The following COL5A1 variants were observed in gnomAD, a reference collection of about 807,000 sequenced individuals.
The protein encoded by COL5A1 is collagen type V alpha 1 chain, also known as collagen alpha-1(V) chain.
In COL5A1, 16 loss-of-function variants were observed where a neutral mutation model predicts 263.7. The ratio of observed to expected loss-of-function variants is 0.06; its 90% CI spans 0.04 to 0.09. COL5A1 has a LOEUF of 0.09. Among genes scored for constraint, COL5A1 ranks in the 10% least tolerant of loss-of-function variants. The pLI is 1.00. For synonymous variants in COL5A1, 1,012 were observed against 1,004.5 expected, an observed-to-expected ratio of 1.01 and a Z score of -0.14; for missense variants, 2,036 against 2,540.5, an observed-to-expected ratio of 0.80 and a Z score of 4.27.
intron 26 of COL5A1, among the ~76,000 whole-genome samples, chr9:134,774,541 G>A (rs536606521): frequency 8.5e-5 from 13 of 152,336 alleles, no homozygotes; most frequent in Middle Eastern, 3.4e-3. Flanking sequence ...AACACTCCTT[G>A]CAGAGCTCCA....
intron 1 of COL5A1, among the ~76,000 whole-genome samples, chr9:134,689,674 C>T (rs78810011): frequency 6.6e-6 from 1 of 152,164 alleles, no homozygotes; most frequent in Admixed American, 6.5e-5. Context: ...ACGGAGCTTC[C>T]TTATCCTGGC....
At chr9:134,769,573 A>G (rs1836800796) in intron 25 of COL5A1, among the ~76,000 whole-genome samples, 1 of 152,244 alleles carries the variant, frequency 6.6e-6, no homozygotes, top group South Asian at 2.1e-4. Flanking sequence ...AGCCATTGAC[A>G]GCGGGTGGAC....
At chr9:134,658,226 C>G (rs1832084730) in intron 1 of COL5A1, among the ~76,000 whole-genome samples, 2 of 152,134 alleles carry the variant, frequency 1.3e-5, no homozygotes, top group African/African-American at 4.8e-5. Flanking sequence ...GCTCGCCCCT[C>G]TGTGAGCAGG....
At chr9:134,727,855 G>A (rs1834718370) in intron 5 of COL5A1, among the ~76,000 whole-genome samples, 1 of 152,152 alleles carries the variant, frequency 6.6e-6, no homozygotes, top group Non-Finnish European at 1.5e-5. Context: ...AGCCGTGCCT[G>A]ACACCTTTGT....
At chr9:134,651,905 C>G (rs1831701000) in intron 1 of COL5A1, among the ~76,000 whole-genome samples, 1 of 152,168 alleles carries the variant, frequency 6.6e-6, no homozygotes, top group East Asian at 1.9e-4. Flanking sequence ...AAATCCTCTT[C>G]CTGTGCTATT....
chr9:134,801,829 C>G (rs140890349), intron 37 of COL5A1, 125 bp from the exon 38 acceptor site: 103 of 867,868 alleles, frequency 1.2e-4, no homozygotes, highest in Middle Eastern at 6.9e-4. Context: ...GCCTCTTACA[C>G]AAAGTCTGGA....
chr9:134,844,555 T>C lies in COL5A1; in HGVS notation c.*2252T>C, dbSNP rs529530286. 1.3e-5 allele frequency: 2 copies of C among 152,362 alleles called. No homozygotes were observed. Among genetic ancestry groups the C allele is most frequent in the South Asian group, 4.1e-4 (2 of 4,824 alleles). 9.4% of individuals were successfully genotyped at this position (152,362 alleles called of 1,614,324 possible). On this transcript the variant is annotated 3_prime_UTR_variant, in exon 66 of 66. Coordinates refer to ENST00000371817, the MANE Select transcript of COL5A1 (RefSeq NM_000093.5). ...CTTCTTATATTTGCAGAAATTCTTTTGGTGTAATTTTATTTTTTCCTCTCA... is the reference window on the plus strand; with the variant it reads ...CTTCTTATATTTGCAGAAATTCTTTCGGTGTAATTTTATTTTTTCCTCTCA...
At chr9:134,732,719 G>A (rs150358477) in intron 9 of COL5A1, 2,147 of 173,302 alleles carry the variant, frequency 0.012, 20 homozygotes, top group South Asian at 0.022. Flanking sequence ...TCACGGGTGA[G>A]TTCAAAAAGT....
intron 11 of COL5A1, among the ~76,000 whole-genome samples, chr9:134,747,234 T>C (rs933311381): frequency 2.0e-5 from 3 of 152,196 alleles, no homozygotes; most frequent in African/African-American, 7.2e-5. Flanking sequence ...GTTCCGGGTG[T>C]CGGTGAGAAG....
At chr9:134,663,131 C>T (rs773175276) in intron 1 of COL5A1, among the ~76,000 whole-genome samples, 2 of 152,232 alleles carry the variant, frequency 1.3e-5, no homozygotes, top group South Asian at 4.1e-4. Flanking sequence ...CTGTTCTCTG[C>T]ACGTTGCTGT....
Position 134,742,584 on chromosome 9 carries a change from G to A in COL5A1, c.1494+3776G>A, listed in dbSNP as rs1355946650. Among the ~76,000 whole-genome samples, 1 of 152,164 alleles carries A rather than the reference G, an allele frequency of 6.6e-6. No homozygotes were observed. Among genetic ancestry groups the A allele is most frequent in the Non-Finnish European group, 1.5e-5 (1 of 68,026 alleles). On this transcript the variant is annotated intron_variant, in intron 11 of 65. Transcript: ENST00000371817. This position sits in a 1 kb window ranked among gnomAD's most constrained non-coding sequence, Gnocchi z 4.6. ...GGAAGGTGGCCACTCTTACTTTGAGGTTCAGAGGAAACCCAAGAGAGCTGG... is the reference window on the plus strand; with the variant it reads ...GGAAGGTGGCCACTCTTACTTTGAGATTCAGAGGAAACCCAAGAGAGCTGG...
In COL5A1 at chr9:134,642,887, C is replaced by T. The variant is rs1351053126; in HGVS notation, c.109+591C>T. ...TAAGTGTTCGGGGGCACTGGGGACCCCTGCAGGGTGGTAGACAGCCCTGCT... is the reference window on the plus strand; with the variant it reads ...TAAGTGTTCGGGGGCACTGGGGACCTCTGCAGGGTGGTAGACAGCCCTGCT... On this transcript the variant is annotated intron_variant, in intron 1 of 65. Coordinates refer to ENST00000371817, the MANE Select transcript of COL5A1 (RefSeq NM_000093.5). The surrounding 1 kb of genome is among the most constrained non-coding windows in gnomAD (Gnocchi z 4.5). Among the ~76,000 whole-genome samples, 1 of 152,216 alleles carries T rather than the reference C, an allele frequency of 6.6e-6. No homozygotes were observed. The highest frequency in any genetic ancestry group is 2.4e-5 in the African/African-American group (1 of 41,462).
intron 11 of COL5A1, among the ~76,000 whole-genome samples, chr9:134,747,000 CTT>C (rs781659205): frequency 6.6e-6 from 1 of 152,182 alleles, no homozygotes; most frequent in Non-Finnish European, 1.5e-5. Context: ...GGGTCAAAGT[CTT>C]TACGTTAGAG....
intron 1 of COL5A1, among the ~76,000 whole-genome samples, chr9:134,651,570 C>T: frequency 6.6e-6 from 1 of 152,128 alleles, no homozygotes; most frequent in Non-Finnish European, 1.5e-5. Flanking sequence ...GCTTTTCCAG[C>T]TGTAGTTTCG....
intron 4 of COL5A1, among the ~76,000 whole-genome samples, chr9:134,718,635 T>A (rs1004719911): frequency 5.3e-5 from 8 of 152,142 alleles, no homozygotes; most frequent in Non-Finnish European, 1.2e-4. Context: ...GGACAAAGTT[T>A]TGGGAACTGG....
chr9:134,738,869 T>C (rs1588488726), intron 11 of COL5A1, 61 bp downstream of exon 11: 1 of 1,387,348 alleles, frequency 7.2e-7, no homozygotes, highest in East Asian at 2.3e-5. Flanking sequence ...ACGCCTCCTC[T>C]CCACACTGTG....
intron 4 of COL5A1, 152 bp downstream of exon 4, chr9:134,701,485 T>C: frequency 1.2e-6 from 1 of 817,574 alleles, no homozygotes; most frequent in Non-Finnish European, 2.0e-6. Flanking sequence ...TCTGCTGCCA[T>C]CCTAAGAGAT....
intron 11 of COL5A1, among the ~76,000 whole-genome samples, chr9:134,739,075 T>A (rs934410595): frequency 6.6e-6 from 1 of 152,224 alleles, no homozygotes; most frequent in African/African-American, 2.4e-5. Context: ...ACCCTGCAGT[T>A]GCCCAGCAAA....
chr9:134,744,291 TCACC>T (rs1329859215), intron 11 of COL5A1, among the ~76,000 whole-genome samples: 2 of 151,046 alleles, frequency 1.3e-5, no homozygotes, highest in African/African-American at 4.9e-5. Context: ...GCTTGCACAC[TCACC>T]CACACATGCA....
Sources: gnomAD v4.1 joint callset for allele counts (sites outside exome capture counted in the v4.1 genomes callset) on GRCh38, gnomAD v4.1.1 for gene constraint, Gnocchi (gnomAD v3.1) non-coding constraint, MANE v1.5 for transcripts, NCBI Gene and HGNC (gene_info 2026-07-23, HGNC 2026-07-21) for gene names.